Variants in ERC1 observed in about 807,000 individuals in gnomAD.
The protein encoded by ERC1 is RAB6 interacting protein 2.
In ERC1, 56 loss-of-function variants were observed where a neutral mutation model predicts 132.0. That is an observed-to-expected ratio of 0.42 (90% CI 0.34 to 0.53). The LOEUF (loss-of-function observed/expected upper bound fraction) is 0.53, where lower values mean the gene tolerates loss of function less well. Among genes scored for constraint, ERC1 ranks in the 20% least tolerant of loss-of-function variants. ERC1 has a pLI of 0.03. For synonymous variants in ERC1, 478 were observed against 476.1 expected, an observed-to-expected ratio of 1.00 and a Z score of -0.05; for missense variants, 1,202 against 1,349.9, an observed-to-expected ratio of 0.89 and a Z score of 1.72.
chr12:1,349,681 G>C (rs1019014781), intron 15 of ERC1, among the ~76,000 whole-genome samples: 3 of 138,322 alleles, frequency 2.2e-5, no homozygotes, highest in African/African-American at 5.9e-5. Flanking sequence ...AAAAAAAAAA[G>C]TTATTTTTGA....
At chr12:1,039,901 A>G (rs1009624630) in intron 2 of ERC1, among the ~76,000 whole-genome samples, 19 of 152,238 alleles carry the variant, frequency 1.2e-4, no homozygotes, top group Admixed American at 4.6e-4. Context: ...AGTTTTATAT[A>G]TATGTTCTCA....
At chr12:1,261,516 T>C (rs147919840) in intron 13 of ERC1, among the ~76,000 whole-genome samples, 6 of 152,312 alleles carry the variant, frequency 3.9e-5, no homozygotes, top group Non-Finnish European at 5.9e-5. Context: ...TAGTTTTCTT[T>C]GATTCTGAAG....
intron 18 of ERC1, among the ~76,000 whole-genome samples, chr12:1,457,888 G>A (rs188878088): frequency 6.6e-6 from 1 of 152,168 alleles, no homozygotes; most frequent in East Asian, 1.9e-4. Context: ...GCGAGACCCT[G>A]TCTCAAAAAA....
chr12:1,100,142 C>G (rs1405009081), intron 3 of ERC1, among the ~76,000 whole-genome samples: 3 of 152,004 alleles, frequency 2.0e-5, no homozygotes, highest in African/African-American at 7.2e-5. Flanking sequence ...ACCACCGCTC[C>G]CAGCCGAGAC....
intron 13 of ERC1, among the ~76,000 whole-genome samples, chr12:1,255,785 A>G (rs1594583424): frequency 1.3e-5 from 2 of 149,242 alleles, no homozygotes; most frequent in Non-Finnish European, 3.0e-5. Context: ...GGCACCCACC[A>G]CCACTCCTGG....
In ERC1 at chr12:1,334,060, G is replaced by A. The variant is rs574704516; in HGVS notation, c.2781-37773G>A. 3.8e-4 allele frequency among the ~76,000 whole-genome samples: 58 copies of A among 152,190 alleles called. 1 individual carries two copies. The highest frequency in any genetic ancestry group is 1.1e-3 in the African/African-American group (44 of 41,512). On this transcript the variant is annotated intron_variant, in intron 15 of 18. Coordinates refer to ENST00000360905, the MANE Select transcript of ERC1 (RefSeq NM_178040.4). Reference sequence around the variant, plus strand: ...CGTGTTATGTCTTCTTTTGAAAAGCGTCTGTTTATGTATTTTGCCCACTTT... The same window carrying A: ...CGTGTTATGTCTTCTTTTGAAAAGCATCTGTTTATGTATTTTGCCCACTTT...
intron 18 of ERC1, among the ~76,000 whole-genome samples, chr12:1,472,850 A>C (rs941325811): frequency 6.6e-6 from 1 of 152,222 alleles, no homozygotes; most frequent in Non-Finnish European, 1.5e-5. Flanking sequence ...GTAATTACAT[A>C]CTTGAGTTTC....
intron 15 of ERC1, among the ~76,000 whole-genome samples, chr12:1,366,832 G>T (rs183404370): frequency 2.0e-4 from 31 of 152,238 alleles, no homozygotes; most frequent in African/African-American, 6.3e-4. Flanking sequence ...AGGGTAATTT[G>T]TTATGTTACT....
chr12:1,057,632 C>T (rs1346042312), intron 2 of ERC1, among the ~76,000 whole-genome samples: 2 of 110,020 alleles, frequency 1.8e-5, no homozygotes, highest in East Asian at 6.3e-4. Context: ...AGTCTTGCTA[C>T]GTTGCCAGGC....
intron 15 of ERC1, among the ~76,000 whole-genome samples, chr12:1,321,422 T>C (rs2082111784): frequency 6.6e-6 from 1 of 152,216 alleles, no homozygotes; most frequent in Admixed American, 6.5e-5. Context: ...ATTCATACAA[T>C]GCGGAGCCTA....
At chr12:1,162,856 C>G (rs1299889622) in intron 8 of ERC1, among the ~76,000 whole-genome samples, 1 of 152,130 alleles carries the variant, frequency 6.6e-6, no homozygotes, top group Non-Finnish European at 1.5e-5. Flanking sequence ...AACTTTACGT[C>G]TGAAACATAA....
rs398116013 is a variant in ERC1, at chr12:1,222,224, C to CTTT, written c.2352-14534_2352-14532dup. On this transcript the variant is annotated intron_variant, in intron 12 of 18. Coordinates refer to ENST00000360905, the MANE Select transcript of ERC1 (RefSeq NM_178040.4). ...GGACTATTATGAGTGTACATATTCT[C>CTTT]TTTTTTTTTTTTTCTTTTTTGAGGA... Among the ~76,000 whole-genome samples, 514 of 145,994 alleles carry CTTT rather than the reference C, an allele frequency of 3.5e-3. 4 individuals carry two copies. The highest frequency in any genetic ancestry group is 0.011 in the African/African-American group (430 of 39,590).
rs561884825 is a variant in ERC1 at position 1,191,736 on chromosome 12, C to G, written c.2351+1684C>G. 1.9e-4 allele frequency among the ~76,000 whole-genome samples: 29 copies of G among 152,214 alleles called. No homozygotes were observed. In the South Asian group the frequency reaches 4.8e-3, roughly 25 times the overall value. On this transcript the variant is annotated intron_variant, in intron 12 of 18. Transcript: ENST00000360905. Reference sequence around the variant, plus strand: ...GAGAAAGAGTTGTAAATGATCTACTCTTTCCACAGAATGTAACTCTTATAA... The same window carrying G: ...GAGAAAGAGTTGTAAATGATCTACTGTTTCCACAGAATGTAACTCTTATAA...
intron 18 of ERC1, among the ~76,000 whole-genome samples, chr12:1,477,698 T>C (rs560915669): frequency 2.0e-5 from 3 of 152,282 alleles, no homozygotes; most frequent in East Asian, 1.9e-4. Context: ...TACACACTCA[T>C]ATAGCAAATT....
intron 14 of ERC1, among the ~76,000 whole-genome samples, chr12:1,277,923 G>C (rs1224874523): frequency 6.6e-6 from 1 of 152,206 alleles, no homozygotes; most frequent in African/African-American, 2.4e-5. Context: ...TGTGTAATCA[G>C]TTCAGTCTTT....
Position 1,310,334 on chromosome 12 carries a change from G to C in ERC1, c.2780+20322G>C, listed in dbSNP as rs540250923. Among the ~76,000 whole-genome samples the C allele has an allele frequency of 8.5e-5, 13 of 152,114 alleles. No individual in the cohort carries two copies. In the South Asian group the frequency reaches 2.7e-3, roughly 32 times the overall value. On this transcript the variant is annotated intron_variant, in intron 15 of 18. Coordinates refer to ENST00000360905, the MANE Select transcript of ERC1 (RefSeq NM_178040.4). ...CTCTGCCTCTTCCTCAGCCTCCCAA[G>C]TAGCTGGGAATACAGGTGCGCGCCA...
At chr12:1,336,036 C>G (rs886943808) in intron 15 of ERC1, among the ~76,000 whole-genome samples, 18 of 152,072 alleles carry the variant, frequency 1.2e-4, no homozygotes, top group African/African-American at 4.1e-4. Context: ...TCTAGATTTC[C>G]TAGTTTACAT....
intron 15 of ERC1, among the ~76,000 whole-genome samples, chr12:1,369,924 C>G (rs937595710): frequency 1.1e-4 from 16 of 151,756 alleles, no homozygotes; most frequent in African/African-American, 3.6e-4. Flanking sequence ...GTTGAGTAGA[C>G]CTACACATCC....
intron 15 of ERC1, among the ~76,000 whole-genome samples, chr12:1,348,294 C>A (rs2154365402): frequency 6.6e-6 from 1 of 152,260 alleles, no homozygotes; most frequent in South Asian, 2.1e-4. Context: ...TATATTTATT[C>A]ATTAAAGAAC....
Sources: gnomAD v4.1 joint callset for allele counts (sites outside exome capture counted in the v4.1 genomes callset) on GRCh38, gnomAD v4.1.1 for gene constraint, MANE v1.5 for transcripts, NCBI Gene and HGNC (gene_info 2026-07-23, HGNC 2026-07-21) for gene names.